The following PIK3C2G variants were observed in gnomAD, a reference collection of about 807,000 sequenced individuals.
PIK3C2G encodes phosphatidylinositol-4-phosphate 3-kinase catalytic subunit type 2 gamma, also known as phosphatidylinositol 3-kinase C2 domain-containing subunit gamma.
A neutral mutation model predicts 181.1 loss-of-function variants in PIK3C2G; 168 were observed. That is an observed-to-expected ratio of 0.93 (90% CI 0.82 to 1.05). The LOEUF (loss-of-function observed/expected upper bound fraction) is 1.05. Among genes scored for constraint, PIK3C2G ranks in the 50% least tolerant of loss-of-function variants. The pLI, the probability that PIK3C2G is intolerant of heterozygous loss-of-function variation, is 0.00. For missense variants in PIK3C2G, 1,869 were observed against 1,732.8 expected, an observed-to-expected ratio of 1.08 and a Z score of -1.40; for synonymous variants, 573 against 592.2, an observed-to-expected ratio of 0.97 and a Z score of 0.47.
intron 20 of PIK3C2G, chr12:18,493,235 G>A (rs1044872439): frequency 6.6e-6 from 1 of 152,110 alleles, no homozygotes; most frequent in African/African-American, 2.4e-5. Context: ...TGACATCAGA[G>A]CCTACACACT....
the PIK3C2G span, chr12:18,695,221 T>C: frequency 7.0e-6 from 6 of 852,998 alleles, no homozygotes; most frequent in Non-Finnish European, 1.1e-5. Context: ...TAATTCATGA[T>C]TTTTAAAACT....
intron 31 of PIK3C2G, among the ~76,000 whole-genome samples, chr12:18,628,038 T>C (rs577075257): frequency 1.6e-4 from 24 of 152,312 alleles, no homozygotes; most frequent in African/African-American, 5.8e-4. Flanking sequence ...ATCACATTCC[T>C]GGTAAAACTT....
At chr12:18,626,272 C>A (rs978537995) in intron 31 of PIK3C2G, among the ~76,000 whole-genome samples, 1 of 151,850 alleles carries the variant, frequency 6.6e-6, no homozygotes. Context: ...AAGCCAATAA[C>A]AATGTAACTT....
At chr12:18,296,468 ACTT>A (rs887383505) in intron 5 of PIK3C2G, among the ~76,000 whole-genome samples, 3 of 152,032 alleles carry the variant, frequency 2.0e-5, no homozygotes, top group African/African-American at 7.2e-5. Flanking sequence ...TGACTTAAGA[ACTT>A]AGACTCTCCA....
chr12:18,607,351 G>A (rs947537757), intron 30 of PIK3C2G, among the ~76,000 whole-genome samples: 1 of 152,024 alleles, frequency 6.6e-6, no homozygotes, highest in Non-Finnish European at 1.5e-5. Context: ...CCAAAACAGA[G>A]ATATAGATCA....
At chr12:18,273,308 C>T (rs1948825728) in intron 1 of PIK3C2G, among the ~76,000 whole-genome samples, 1 of 152,054 alleles carries the variant, frequency 6.6e-6, no homozygotes, top group African/African-American at 2.4e-5. Flanking sequence ...TTTCTGAGGG[C>T]TCTGTTCTGT....
At chr12:18,245,636 A>G (rs147051987), upstream of PIK3C2G, among the ~76,000 whole-genome samples, 1 of 152,190 alleles carries the variant, frequency 6.6e-6, no homozygotes, top group African/African-American at 2.4e-5. Flanking sequence ...GTAACTTACA[A>G]TTTTTAAGGT....
At chr12:18,459,924 G>A (rs911461748) in intron 18 of PIK3C2G, among the ~76,000 whole-genome samples, 2 of 152,092 alleles carry the variant, frequency 1.3e-5, no homozygotes, top group Admixed American at 6.6e-5. Context: ...CACCACGTCT[G>A]TCTAATTTTT....
intron 31 of PIK3C2G, among the ~76,000 whole-genome samples, chr12:18,627,238 C>A (rs1949142548): frequency 6.6e-6 from 1 of 151,968 alleles, no homozygotes; most frequent in Admixed American, 6.6e-5. Flanking sequence ...AAAATCATTT[C>A]TATTTCTTTC....
At chr12:18,710,008 T>G in the PIK3C2G span, among the ~76,000 whole-genome samples, 1 of 151,886 alleles carries the variant, frequency 6.6e-6, no homozygotes, top group Non-Finnish European at 1.5e-5. Context: ...GATTTTGTGT[T>G]CTGCAACTTT....
At chr12:18,271,395 T>G (rs1162613147) in intron 1 of PIK3C2G, among the ~76,000 whole-genome samples, 1 of 152,160 alleles carries the variant, frequency 6.6e-6, no homozygotes, top group Non-Finnish European at 1.5e-5. Flanking sequence ...TTCCTTTTAG[T>G]AATAAAATAC....
At chr12:18,274,189 T>G (rs893461945) in intron 1 of PIK3C2G, among the ~76,000 whole-genome samples, 1 of 152,160 alleles carries the variant, frequency 6.6e-6, no homozygotes, top group Non-Finnish European at 1.5e-5. Context: ...ATAGGAACAC[T>G]TTTACACTGT....
At chr12:18,662,766 T>C in the PIK3C2G span, among the ~76,000 whole-genome samples, 1 of 152,108 alleles carries the variant, frequency 6.6e-6, no homozygotes, top group Non-Finnish European at 1.5e-5. Flanking sequence ...GAAGTTAAGC[T>C]GTTATAAAAT....
chr12:18,599,432 G>C (rs1420389398), intron 30 of PIK3C2G, among the ~76,000 whole-genome samples: 1 of 151,628 alleles, frequency 6.6e-6, no homozygotes, highest in Non-Finnish European at 1.5e-5. Flanking sequence ...CTCACTCATA[G>C]GTGGGAATTG....
intron 30 of PIK3C2G, among the ~76,000 whole-genome samples, chr12:18,602,727 C>T (rs1360835733): frequency 6.6e-6 from 1 of 152,054 alleles, no homozygotes; most frequent in African/African-American, 2.4e-5. Context: ...CAGTACCAGC[C>T]CAAAGCCAGG....
chr12:18,693,255 A>G, the PIK3C2G span: 2 of 1,541,642 alleles, frequency 1.3e-6, no homozygotes, highest in Non-Finnish European at 1.8e-6. Flanking sequence ...GCATACCATG[A>G]TAGGGGTGCT....
chr12:18,358,540 C>T (rs897602954), intron 11 of PIK3C2G: 10 of 345,532 alleles, frequency 2.9e-5, no homozygotes, highest in Admixed American at 2.1e-4. Flanking sequence ...GGTGTCATAC[C>T]TTTCTGCCAC....
At chr12:18,381,988 C>G in intron 14 of PIK3C2G, 108 bp downstream of exon 14, 1 of 708,260 alleles carries the variant, frequency 1.4e-6, no homozygotes, top group South Asian at 1.6e-5. Context: ...ATTTTAATAG[C>G]CTTCTCTGCC....
chr12:18,473,469 A>G (rs908424483), intron 18 of PIK3C2G, among the ~76,000 whole-genome samples: 1 of 152,096 alleles, frequency 6.6e-6, no homozygotes, highest in African/African-American at 2.4e-5. Flanking sequence ...CCCAGTATTG[A>G]TTTCCGGCTG....
Sources: allele counts gnomAD v4.1 joint callset (sites outside exome capture counted in the v4.1 genomes callset), GRCh38; gene constraint gnomAD v4.1.1; transcripts MANE v1.5; gene names NCBI Gene and HGNC (gene_info 2026-07-23, HGNC 2026-07-21).